Variants in TAF4B observed in about 807,000 individuals in gnomAD.
TAF4B encodes transcription initiation factor TFIID subunit 4B.
TAF4B carries 38 observed loss-of-function variants against 86.4 expected under a neutral mutation model. That is an observed-to-expected ratio of 0.44 (90% confidence interval 0.34 to 0.58). TAF4B has a LOEUF of 0.58. TAF4B is among the 20% of genes least tolerant of loss of function. The pLI is 0.02. For missense variants in TAF4B, 988 were observed against 1,027.6 expected (o/e 0.96, Z 0.53); for synonymous variants, 388 against 391.2 (o/e 0.99, Z 0.10).
intron 11 of TAF4B, among the ~76,000 whole-genome samples, chr18:26,326,644 A>G (rs1324955551): frequency 6.6e-6 from 1 of 152,140 alleles, no homozygotes; most frequent in African/African-American, 2.4e-5. Flanking sequence ...ATGTCTGCTG[A>G]GGTAGATAAT....
intron 1 of TAF4B, 59 bp from the exon 2 acceptor site, chr18:26,265,111 T>G: frequency 6.6e-7 from 1 of 1,520,664 alleles, no homozygotes; most frequent in Admixed American, 2.2e-5. Context: ...AGAAAATATG[T>G]GATGGTTATG....
chr18:26,357,678 T>C lies in TAF4B; in HGVS notation c.2317-12T>C. On this transcript the variant is annotated splice_polypyrimidine_tract_variant and intron_variant, in intron 13 of 14. Coordinates refer to ENST00000269142, the MANE Select transcript of TAF4B (RefSeq NM_005640.3). ...TGTATAAACATTGATATTTTTTTCT[T>C]CCGTCTTCTAGTTACAGCAATTGGA... The C allele has an allele frequency of 1.3e-6, 2 of 1,588,130 alleles. No individual in the cohort carries two copies. The highest frequency in any genetic ancestry group is 1.7e-5 in the Admixed American group (1 of 57,934).
rs2057395325 is a variant in TAF4B at position 26,369,836 on chromosome 18, C to G, written c.2421+12042C>G. 2.6e-5 allele frequency among the ~76,000 whole-genome samples: 4 copies of G among 152,176 alleles called. No individual in the cohort carries two copies. In the South Asian group the frequency reaches 8.3e-4, roughly 31 times the overall value. ...TTCTCTGGTCAAATGCTAACTAATA[C>G]AGGGCTTTATACCATTGGTAGCTGC... On this transcript the variant is annotated intron_variant, in intron 14 of 14. Coordinates refer to ENST00000269142, the MANE Select transcript of TAF4B (RefSeq NM_005640.3).
intron 13 of TAF4B, among the ~76,000 whole-genome samples, chr18:26,343,966 A>T (rs1277533170): frequency 2.6e-5 from 4 of 152,224 alleles, no homozygotes; most frequent in African/African-American, 9.6e-5. Context: ...GATAACATAG[A>T]TGTTGGAATT....
At chr18:26,334,913 A>T (rs1427539556) in intron 12 of TAF4B, among the ~76,000 whole-genome samples, 1 of 152,112 alleles carries the variant, frequency 6.6e-6, no homozygotes, top group African/African-American at 2.4e-5. Context: ...GAACAACGTC[A>T]TGCCTCAACT....
intron 6 of TAF4B, among the ~76,000 whole-genome samples, chr18:26,284,135 C>T (rs1158142205): frequency 2.6e-5 from 4 of 152,106 alleles, no homozygotes; most frequent in Non-Finnish European, 5.9e-5. Flanking sequence ...TTACCTTGCA[C>T]TTTTATGTTA....
At position 26,227,207 on chromosome 18, in the gene TAF4B, C is replaced by G. The variant is rs2055590935; in HGVS notation, c.274C>G (p.Gln92Glu). Reference sequence around the variant, plus strand: ...CAGCGGCCCTAGGCTGCCTGCTCCTCAGATAGTCGCCGTGAAAGCCCCCAA... The same window carrying G: ...CAGCGGCCCTAGGCTGCCTGCTCCTGAGATAGTCGCCGTGAAAGCCCCCAA... ...VSSGPRLPAP[Q>E]IVAVKAPNTT... Residue 92 changes from glutamine to glutamate, a missense_variant, in exon 1 of 15, where the codon CAG (glutamine) becomes GAG (glutamate). Coordinates refer to ENST00000269142, the MANE Select transcript of TAF4B (RefSeq NM_005640.3). The G allele has an allele frequency of 6.2e-7, 1 of 1,614,050 alleles. No homozygotes were observed. The highest frequency in any genetic ancestry group is 1.3e-5 in the African/African-American group (1 of 75,038).
intron 1 of TAF4B, among the ~76,000 whole-genome samples, chr18:26,259,544 T>A (rs1462395255): frequency 6.6e-6 from 1 of 152,170 alleles, no homozygotes; most frequent in Non-Finnish European, 1.5e-5. Flanking sequence ...TTTGGTTTTT[T>A]GTCCTTACAA....
chr18:26,356,059 G>A (rs1183917245), intron 13 of TAF4B, among the ~76,000 whole-genome samples: 2 of 152,118 alleles, frequency 1.3e-5, no homozygotes, highest in African/African-American at 4.8e-5. Context: ...AAATATCTTA[G>A]ACTGGGTAGC....
rs1282068871 is a variant in TAF4B, at chr18:26,315,161, T to TCTCACA, written c.1833-67_1833-66insTCACAC. The TCTCACA allele has an allele frequency of 5.1e-3, 1,134 of 222,574 alleles. 48 individuals carry two copies. Among genetic ancestry groups the TCTCACA allele is most frequent in the East Asian group, 0.02 (202 of 10,296 alleles). The allele number at this position is 222,574 out of a possible 1,614,324, so 13.8% of individuals were successfully genotyped here. A position where few individuals can be genotyped will look rare whatever the true frequency, so the allele number is the denominator to read the frequency against. ...CTCTCTCTCTGTCTCTCTCTCTCTC[T>TCTCACA]CACACACACACACACACACACACAC... is the stretch of plus-strand genomic sequence containing the variant. On this transcript the variant is annotated intron_variant, in intron 9 of 14. Coordinates refer to ENST00000269142, the MANE Select transcript of TAF4B (RefSeq NM_005640.3).
intron 9 of TAF4B, 128 bp from the exon 10 acceptor site, chr18:26,315,101 T>C (rs1268932518): frequency 1.1e-5 from 2 of 176,724 alleles, no homozygotes; most frequent in Non-Finnish European, 1.7e-5. Context: ...TGAAACTCTC[T>C]CTCTCTCTCT....
chr18:26,250,869 A>G (rs978587303), intron 1 of TAF4B, among the ~76,000 whole-genome samples: 20 of 152,346 alleles, frequency 1.3e-4, no homozygotes, highest in African/African-American at 4.6e-4. Context: ...ATTTTGGCAA[A>G]TCAGCTGTGT....
intron 1 of TAF4B, among the ~76,000 whole-genome samples, chr18:26,262,549 A>G (rs907379777): frequency 6.7e-6 from 1 of 149,452 alleles, no homozygotes; most frequent in Non-Finnish European, 1.5e-5. Flanking sequence ...ATCTCGGCTT[A>G]CTGTAACCAC....
intron 11 of TAF4B, among the ~76,000 whole-genome samples, chr18:26,326,399 G>A (rs975081133): frequency 2.6e-5 from 4 of 152,142 alleles, no homozygotes; most frequent in African/African-American, 9.7e-5. Flanking sequence ...TTTGACCACA[G>A]TTTCTGTCCA....
intron 14 of TAF4B, among the ~76,000 whole-genome samples, chr18:26,372,727 T>C (rs1221443503): frequency 6.6e-6 from 1 of 151,902 alleles, no homozygotes; most frequent in African/African-American, 2.4e-5. Context: ...TCCCAGCACT[T>C]TAGGAGGCTG....
chr18:26,279,150 A>G (rs6508428), intron 5 of TAF4B, among the ~76,000 whole-genome samples: 13,096 of 152,128 alleles, frequency 0.086, 1,731 homozygotes, highest in African/African-American at 0.29. Context: ...AAAGGCTTCT[A>G]GAACTGATAA....
chr18:26,362,436 C>T lies in TAF4B; in HGVS notation c.2421+4642C>T, dbSNP rs148765413. The stretch of plus-strand genomic sequence containing the variant: ...ATGTTAATCATTAATCTCTCCTGAG[C>T]ATCAATTCTTATTCTCCTTTGAATT... On this transcript the variant is annotated intron_variant, in intron 14 of 14. Transcript: ENST00000269142. Among the ~76,000 whole-genome samples the T allele has an allele frequency of 9.6e-3, 1,461 of 152,262 alleles. 12 individuals are homozygous for T. The highest frequency in any genetic ancestry group is 0.033 in the African/African-American group (1,357 of 41,544).
At chr18:26,297,095 C>T (rs1211031384) in intron 9 of TAF4B, among the ~76,000 whole-genome samples, 1 of 150,620 alleles carries the variant, frequency 6.6e-6, no homozygotes, top group East Asian at 1.9e-4. Context: ...GATTGCGCCA[C>T]TGCACTCCAG....
At chr18:26,323,330 T>C (rs577006734) in intron 11 of TAF4B, among the ~76,000 whole-genome samples, 1 of 152,182 alleles carries the variant, frequency 6.6e-6, no homozygotes, top group South Asian at 2.1e-4. Flanking sequence ...TCTTCAACTA[T>C]TGTGGAGCTC....
Sources: gnomAD v4.1 joint callset for allele counts (sites outside exome capture counted in the v4.1 genomes callset) on GRCh38, gnomAD v4.1.1 for gene constraint, MANE v1.5 for transcripts, NCBI Gene and HGNC (gene_info 2026-07-23, HGNC 2026-07-21) for gene names.